The following ZNF573 variants were observed in gnomAD, a reference collection of about 807,000 sequenced individuals.
The protein encoded by ZNF573 is zinc finger protein 573.
Under a neutral mutation model 57.4 loss-of-function variants are expected in ZNF573, and 41 were observed. The ratio of observed to expected loss-of-function variants is 0.71; its 90% confidence interval spans 0.56 to 0.93. The LOEUF (loss-of-function observed/expected upper bound fraction) is 0.93. Among genes scored for constraint, ZNF573 ranks in the 40% least tolerant of loss-of-function variants. ZNF573 has a pLI of 0.00. For synonymous variants in ZNF573, 249 were observed against 261.0 expected (o/e 0.95, Z 0.44); for missense variants, 730 against 794.8 (o/e 0.92, Z 0.98).
At chr19:37,740,328 T>G in intron 4 of ZNF573, 134 bp from the exon 5 acceptor site, 1 of 795,692 alleles carries the variant, frequency 1.3e-6, no homozygotes, top group Non-Finnish European at 1.9e-6. Flanking sequence ...TTACGAAATT[T>G]GAAAAAGGCC....
Position 37,771,577 on chromosome 19 carries a change from G to T in ZNF573, c.189C>A (p.Asn63Lys). Residue 63 changes from asparagine to lysine, a missense_variant, in exon 3 of 5, where the codon AAC becomes AAA. Coordinates refer to ENST00000536220, the MANE Select transcript of ZNF573 (RefSeq NM_001172690.2). ...AAATAAACTTACCCAGTGATACCAG[G>T]TTTCTATAGTTCTCCAACATCACAT... ...YRDVMLENYRNLVSLGGHSIS... is the reference protein window; with the variant it reads ...YRDVMLENYRKLVSLGGHSIS... 6.2e-7 allele frequency: 1 copy of T among 1,609,454 alleles called. No individual in the cohort carries two copies. Among genetic ancestry groups the T allele is most frequent in the South Asian group, 1.1e-5 (1 of 90,658 alleles).
intron 4 of ZNF573, among the ~76,000 whole-genome samples, chr19:37,760,740 T>C (rs2045543741): frequency 6.6e-6 from 1 of 151,812 alleles, no homozygotes; most frequent in Non-Finnish European, 1.5e-5. Flanking sequence ...AAGAATCACT[T>C]GAACCTGGGA....
intron 1 of ZNF573, among the ~76,000 whole-genome samples, chr19:37,776,014 G>A (rs1258175433): frequency 6.6e-6 from 1 of 152,012 alleles, no homozygotes; most frequent in Non-Finnish European, 1.5e-5. Context: ...CACATCCCCC[G>A]CTCATGGATA....
intron 4 of ZNF573, among the ~76,000 whole-genome samples, chr19:37,765,804 C>T (rs1052738614): frequency 9.2e-5 from 14 of 152,008 alleles, no homozygotes; most frequent in Admixed American, 2.0e-4. Context: ...TTTGGGAAGC[C>T]GAGTCCGGTA....
chr19:37,738,749 G>GT lies in ZNF573; in HGVS notation c.1740dup (p.Pro581ThrfsTer3), dbSNP rs547267383. 3.4e-4 allele frequency: 553 copies of GT among 1,613,906 alleles called. No homozygotes were observed. The highest frequency in any genetic ancestry group is 2.6e-3 in the Middle Eastern group (16 of 6,054). On this transcript the variant is annotated frameshift_variant, in exon 5 of 5. Coordinates refer to ENST00000536220, the MANE Select transcript of ZNF573 (RefSeq NM_001172690.2). LOFTEE classifies it high-confidence loss of function. ...TTTCCACATTCTTTACATTCATAGG[G>GT]TTTTTTATCAGCATGAATGCTCTGA...
At chr19:37,741,445 G>A (rs2045326386) in intron 4 of ZNF573, among the ~76,000 whole-genome samples, 1 of 152,098 alleles carries the variant, frequency 6.6e-6, no homozygotes, top group Non-Finnish European at 1.5e-5. Flanking sequence ...TTAAAATTAT[G>A]TGTAGAGACA....
intron 4 of ZNF573, among the ~76,000 whole-genome samples, chr19:37,763,252 A>T (rs777578963): frequency 5.9e-4 from 10 of 16,888 alleles, no homozygotes; most frequent in Non-Finnish European, 4.1e-3. Flanking sequence ...AACTATAGTT[A>T]TATATATATA....
intron 4 of ZNF573, among the ~76,000 whole-genome samples, chr19:37,761,836 C>G (rs2045556448): frequency 6.6e-6 from 1 of 152,150 alleles, no homozygotes; most frequent in African/African-American, 2.4e-5. Context: ...TCTAAAGGCT[C>G]CTGTGTCATG....
chr19:37,770,631 C>CATGGTGGT (rs2045647092), intron 3 of ZNF573: 1 of 140,482 alleles, frequency 7.1e-6, no homozygotes, highest in Non-Finnish European at 1.5e-5. Context: ...AAAAATTAGG[C>CATGGTGGT]ATGGTGGTGC....
At chr19:37,777,766 T>C (rs981858622) in intron 1 of ZNF573, among the ~76,000 whole-genome samples, 1 of 143,554 alleles carries the variant, frequency 7.0e-6, no homozygotes, top group Non-Finnish European at 1.5e-5. Context: ...CCGGTCGTGG[T>C]GGCTCATGCT....
intron 4 of ZNF573, among the ~76,000 whole-genome samples, chr19:37,748,895 C>T (rs2145289342): frequency 7.2e-6 from 1 of 139,826 alleles, no homozygotes; most frequent in East Asian, 2.1e-4. Context: ...CCACTGCATT[C>T]CAGCCTGGGC....
chr19:37,770,101 A>G lies in ZNF573; in HGVS notation c.203-4T>C. The G allele has an allele frequency of 1.9e-6, 3 of 1,540,074 alleles. No homozygotes were observed. Among genetic ancestry groups the G allele is most frequent in the Non-Finnish European group, 2.6e-6 (3 of 1,142,948 alleles). On this transcript the variant is annotated splice_polypyrimidine_tract_variant and splice_region_variant and intron_variant, in intron 3 of 4. Coordinates refer to ENST00000536220, the MANE Select transcript of ZNF573 (RefSeq NM_001172690.2). Reference sequence around the variant, plus strand: ...GGTTTAGAAATGGAATGTCCTCCTTATAAGAAAAGAAATGCCACATGGTAT... The same window carrying G: ...GGTTTAGAAATGGAATGTCCTCCTTGTAAGAAAAGAAATGCCACATGGTAT...
At chr19:37,778,556 A>G (rs1358205198) in intron 1 of ZNF573, 1 of 151,876 alleles carries the variant, frequency 6.6e-6, no homozygotes, top group Non-Finnish European at 1.5e-5. Flanking sequence ...TCTACTGGAA[A>G]GAAAGCAGAT....
chr19:37,763,064 C>T (rs1399298538), intron 4 of ZNF573, among the ~76,000 whole-genome samples: 2 of 151,960 alleles, frequency 1.3e-5, no homozygotes, highest in South Asian at 4.1e-4. Context: ...TGAGCCACCG[C>T]GCCCAGCCAA....
At chr19:37,754,470 A>C in intron 4 of ZNF573, among the ~76,000 whole-genome samples, 1 of 151,274 alleles carries the variant, frequency 6.6e-6, no homozygotes, top group Non-Finnish European at 1.5e-5. Flanking sequence ...CAGTGAGCCA[A>C]GATCATGTCA....
chr19:37,759,107 G>C, intron 4 of ZNF573: 1 of 499,862 alleles, frequency 2.0e-6, no homozygotes, highest in South Asian at 8.4e-5. Context: ...AGGAGTTAGA[G>C]ACCAGCTGAG....
At chr19:37,757,464 T>C (rs2045500178) in intron 4 of ZNF573, among the ~76,000 whole-genome samples, 1 of 152,146 alleles carries the variant, frequency 6.6e-6, no homozygotes, top group South Asian at 2.1e-4. Context: ...CCCAAAGTGC[T>C]GGGATTACAG....
At chr19:37,759,144 T>TAAAC (rs986578345) in intron 4 of ZNF573, 3 of 606,670 alleles carry the variant, frequency 4.9e-6, no homozygotes, top group East Asian at 1.4e-4. Context: ...CCATCTCTAA[T>TAAAC]AAACAAACAA....
chr19:37,758,242 T>A (rs1415058023), intron 4 of ZNF573, among the ~76,000 whole-genome samples: 2,673 of 71,892 alleles, frequency 0.037, 396 homozygotes, highest in African/African-American at 0.06. Context: ...TATATATATA[T>A]ATATATATAT....
Sources: allele counts gnomAD v4.1 joint callset (sites outside exome capture counted in the v4.1 genomes callset), GRCh38; gene constraint gnomAD v4.1.1; transcripts MANE v1.5; gene names NCBI Gene and HGNC (gene_info 2026-07-23, HGNC 2026-07-21).